PTGER3: variants seen among roughly 807,000 people sequenced by gnomAD.
PTGER3 encodes prostaglandin E receptor 3.
Under a neutral mutation model 34.7 loss-of-function variants are expected in PTGER3, and 22 were observed. The ratio of observed to expected loss-of-function variants is 0.63; its 90% confidence interval spans 0.45 to 0.91. The LOEUF (loss-of-function observed/expected upper bound fraction) is 0.91. PTGER3 is among the 40% of genes least tolerant of loss of function. The pLI, the probability that PTGER3 is intolerant of heterozygous loss-of-function variation, is 0.00. For missense variants in PTGER3, 468 were observed against 519.4 expected, an observed-to-expected ratio of 0.90 and a Z score of 0.96; for synonymous variants, 241 against 230.1, an observed-to-expected ratio of 1.05 and a Z score of -0.43.
rs867874826 is a variant in PTGER3 at position 70,861,810 on chromosome 1, C to T, written c.*24-8951G>A. 1.1e-4 allele frequency among the ~76,000 whole-genome samples: 17 copies of T among 151,630 alleles called. 1 individual carries two copies. The highest frequency in any genetic ancestry group is 7.7e-4 in the East Asian group (4 of 5,182). ...TTACTTGGTGTTTTCTTTTTTTGTACGGAAAGCAAACTCTCATTTCTTAAC... is the reference window on the plus strand; with the variant it reads ...TTACTTGGTGTTTTCTTTTTTTGTATGGAAAGCAAACTCTCATTTCTTAAC... On this transcript the variant is annotated intron_variant, in intron 4 of 4. Transcript: ENST00000370931.
At chr1:70,890,079 A>G (rs1646583783) in intron 4 of PTGER3, among the ~76,000 whole-genome samples, 1 of 152,158 alleles carries the variant, frequency 6.6e-6, no homozygotes, top group South Asian at 2.1e-4. Flanking sequence ...GCTCAATTCA[A>G]TGATTACGGC....
intron 4 of PTGER3, among the ~76,000 whole-genome samples, chr1:70,893,429 A>G (rs1646661361): frequency 6.6e-6 from 1 of 152,174 alleles, no homozygotes; most frequent in South Asian, 2.1e-4. Context: ...GACAAGGCCA[A>G]TGTCCTGGGA....
chr1:71,027,617 G>C (rs74090213), intron 1 of PTGER3, among the ~76,000 whole-genome samples: 12 of 152,130 alleles, frequency 7.9e-5, no homozygotes, highest in Non-Finnish European at 1.8e-4. Flanking sequence ...TAGTCCCCCC[G>C]GTTAAAACAA....
At chr1:70,975,578 A>G (rs1161730957) in intron 2 of PTGER3, among the ~76,000 whole-genome samples, 1 of 152,146 alleles carries the variant, frequency 6.6e-6, no homozygotes, top group African/African-American at 2.4e-5. Context: ...ATGGCATTAT[A>G]CAAGCAGTCC....
At chr1:70,900,354 C>T (rs1273092856) in intron 4 of PTGER3, among the ~76,000 whole-genome samples, 6 of 152,194 alleles carry the variant, frequency 3.9e-5, no homozygotes, top group Admixed American at 2.6e-4. Context: ...AGGGCTGGAC[C>T]TTGAAGGACA....
At chr1:70,980,594 C>A (rs982155712) in intron 2 of PTGER3, among the ~76,000 whole-genome samples, 2 of 151,958 alleles carry the variant, frequency 1.3e-5, no homozygotes, top group African/African-American at 4.8e-5. Flanking sequence ...CATGATGGCA[C>A]CAATGCACTC....
At chr1:70,928,198 T>C (rs1177566473) in intron 4 of PTGER3, among the ~76,000 whole-genome samples, 1 of 148,778 alleles carries the variant, frequency 6.7e-6, no homozygotes, top group Non-Finnish European at 1.5e-5. Flanking sequence ...CATATATTTA[T>C]ATATATGTCT....
chr1:71,022,207 A>G (rs1319134074), intron 1 of PTGER3, among the ~76,000 whole-genome samples: 1 of 151,884 alleles, frequency 6.6e-6, no homozygotes, highest in Admixed American at 6.6e-5. Flanking sequence ...CTATCCATGT[A>G]TTGGTAAAGT....
chr1:71,016,573 C>T (rs1557743794), intron 1 of PTGER3, among the ~76,000 whole-genome samples: 2 of 152,072 alleles, frequency 1.3e-5, no homozygotes, highest in Non-Finnish European at 1.5e-5. Flanking sequence ...GAGGTCGAGG[C>T]AGATGGATCC....
intron 4 of PTGER3, among the ~76,000 whole-genome samples, chr1:70,869,046 T>A (rs1646105615): frequency 6.6e-6 from 1 of 152,156 alleles, no homozygotes; most frequent in African/African-American, 2.4e-5. Flanking sequence ...CCTCTTTTTT[T>A]AAATAAATGA....
At chr1:71,008,496 C>T in intron 2 of PTGER3, 1 of 921,850 alleles carries the variant, frequency 1.1e-6, no homozygotes, top group Non-Finnish European at 1.3e-6. Flanking sequence ...TCATCATCAC[C>T]ACCTAGTTAG....
intron 4 of PTGER3, among the ~76,000 whole-genome samples, chr1:70,927,494 A>G (rs1386970377): frequency 6.6e-6 from 1 of 152,216 alleles, no homozygotes; most frequent in African/African-American, 2.4e-5. Flanking sequence ...AGAGGATAGC[A>G]TTATATATTG....
chr1:71,008,608 C>T, intron 2 of PTGER3: 1 of 984,810 alleles, frequency 1.0e-6, no homozygotes, highest in African/African-American at 1.7e-5. Flanking sequence ...TAACCTATGT[C>T]ATGAAACATC....
chr1:70,938,104 G>A (rs889029338), intron 4 of PTGER3, among the ~76,000 whole-genome samples: 2 of 152,078 alleles, frequency 1.3e-5, no homozygotes, highest in African/African-American at 4.8e-5. Context: ...GTGTGTTTTG[G>A]TGGGGGGTGG....
intron 4 of PTGER3, among the ~76,000 whole-genome samples, chr1:70,914,414 C>T: frequency 6.6e-6 from 1 of 151,788 alleles, no homozygotes. Context: ...AATTATCAAC[C>T]TCATTCCTGC....
At chr1:70,927,425 A>G (rs1331597500) in intron 4 of PTGER3, among the ~76,000 whole-genome samples, 1 of 152,156 alleles carries the variant, frequency 6.6e-6, no homozygotes, top group African/African-American at 2.4e-5. Context: ...AACCAATGCC[A>G]TTATCCAAGA....
intron 1 of PTGER3, among the ~76,000 whole-genome samples, chr1:71,046,305 A>AC (rs1311172450): frequency 1.3e-5 from 2 of 148,994 alleles, no homozygotes; most frequent in African/African-American, 4.9e-5. Flanking sequence ...AAAAAAAAAA[A>AC]ACCCCACAAT....
intron 4 of PTGER3, among the ~76,000 whole-genome samples, chr1:70,869,758 C>T (rs1008740259): frequency 6.6e-6 from 1 of 152,168 alleles, no homozygotes. Context: ...ATATGCTGGA[C>T]ACAGTGGTGC....
chr1:70,958,962 T>A (rs958089807), intron 2 of PTGER3, among the ~76,000 whole-genome samples: 1 of 152,204 alleles, frequency 6.6e-6, no homozygotes, highest in African/African-American at 2.4e-5. Flanking sequence ...GTTCTTGGCA[T>A]CTTCGTCAAA....
Sources: allele counts gnomAD v4.1 joint callset (sites outside exome capture counted in the v4.1 genomes callset), GRCh38; gene constraint gnomAD v4.1.1; transcripts MANE v1.5; gene names NCBI Gene and HGNC (gene_info 2026-07-23, HGNC 2026-07-21).